The following EZH2 variants were observed in gnomAD, a reference collection of about 807,000 sequenced individuals.
EZH2 encodes histone-lysine N-methyltransferase EZH2.
Under a neutral mutation model 98.4 loss-of-function variants are expected in EZH2, and 18 were observed. The observed-to-expected ratio is 0.18, with a 90% CI of 0.13 to 0.27. The LOEUF is 0.27. Among genes scored for constraint, EZH2 ranks in the 10% least tolerant of loss-of-function variants. The pLI, the probability that EZH2 is intolerant of heterozygous loss-of-function variation, is 1.00. For missense variants in EZH2, 470 were observed against 935.1 expected, an observed-to-expected ratio of 0.50 and a Z score of 6.49; for synonymous variants, 338 against 312.3, an observed-to-expected ratio of 1.08 and a Z score of -0.87.
chr7:148,840,899 G>A (rs1812259953), intron 3 of EZH2, among the ~76,000 whole-genome samples: 1 of 152,050 alleles, frequency 6.6e-6, no homozygotes, highest in Admixed American at 6.5e-5. Flanking sequence ...GTTTGGATTT[G>A]TTGTTTTATT....
intron 3 of EZH2, among the ~76,000 whole-genome samples, chr7:148,837,421 T>C (rs891735312): frequency 2.0e-5 from 3 of 152,152 alleles, no homozygotes; most frequent in Non-Finnish European, 2.9e-5. Context: ...TCACCAAGTC[T>C]AGAGAAAAGC....
At chr7:148,815,741 T>C (rs1402420485) in intron 12 of EZH2, among the ~76,000 whole-genome samples, 195 bp from the exon 13 acceptor site, 1 of 152,204 alleles carries the variant, frequency 6.6e-6, no homozygotes, top group Non-Finnish European at 1.5e-5. Flanking sequence ...GCCCCAGGTG[T>C]GGCAAGACGT....
Position 148,818,018 on chromosome 7 carries a change from T to C in EZH2, c.1099A>G (p.Ser367Gly). 6.2e-7 allele frequency: 1 copy of C among 1,614,198 alleles called. No homozygotes were observed. The highest frequency in any genetic ancestry group is 1.1e-5 in the South Asian group (1 of 91,080). Residue 367 changes from serine to glycine, a missense_variant, in exon 10 of 20, where the codon AGT (serine) becomes GGT (glycine). This residue lies in a region of EZH2 where 192 missense variants were observed against 306.8 expected (regional missense o/e 0.63). Coordinates refer to ENST00000320356, the MANE Select transcript of EZH2 (RefSeq NM_004456.5). Reference sequence around the variant, plus strand: ...ATGGTGGGGGTGCTGGGCCTGCTACTGTTATTGGGAAGCCGTCCTCTTCTG... The same window carrying C: ...ATGGTGGGGGTGCTGGGCCTGCTACCGTTATTGGGAAGCCGTCCTCTTCTG... ...GRRRGRLPNN[S>G]SRPSTPTINV... is the part of the protein sequence containing the mutation.
chr7:148,813,652 C>G (rs567326508), intron 15 of EZH2, among the ~76,000 whole-genome samples: 20 of 151,432 alleles, frequency 1.3e-4, no homozygotes, highest in Admixed American at 2.6e-4. Flanking sequence ...AACTAAAAGA[C>G]AAATTCAAAT....
chr7:148,808,313 T>C (rs777383523), intron 19 of EZH2, among the ~76,000 whole-genome samples: 2 of 152,242 alleles, frequency 1.3e-5, no homozygotes, highest in African/African-American at 4.8e-5. Context: ...AGACCCTGTC[T>C]GCCTCACTGA....
rs565880832 is a variant in EZH2, at chr7:148,842,103, C to T, written c.246+4367G>A. Among the ~76,000 whole-genome samples, 4 of 152,254 alleles carry T rather than the reference C, an allele frequency of 2.6e-5. No homozygotes were observed. In the South Asian group the frequency reaches 8.3e-4, roughly 32 times the overall value. ...CATATTCTCTCTTTTCATTAGTAAACAAGATACAAAACTCTTACAAGAACA... is the reference window on the plus strand; with the variant it reads ...CATATTCTCTCTTTTCATTAGTAAATAAGATACAAAACTCTTACAAGAACA... On this transcript the variant is annotated intron_variant, in intron 3 of 19. Coordinates refer to ENST00000320356, the MANE Select transcript of EZH2 (RefSeq NM_004456.5).
At chr7:148,837,023 A>G (rs1276327539) in intron 3 of EZH2, 1 of 489,904 alleles carries the variant, frequency 2.0e-6, no homozygotes, top group Non-Finnish European at 4.1e-6. Context: ...GAAAGAAATT[A>G]ACACACCCTA....
chr7:148,810,975 C>T (rs1297134773), intron 16 of EZH2, among the ~76,000 whole-genome samples: 1 of 151,418 alleles, frequency 6.6e-6, no homozygotes, highest in African/African-American at 2.4e-5. Context: ...TTCGGTAACA[C>T]TGTCGACAAT....
intron 9 of EZH2, among the ~76,000 whole-genome samples, chr7:148,818,669 C>G (rs1428611517): frequency 6.7e-6 from 1 of 150,198 alleles, no homozygotes; most frequent in South Asian, 2.1e-4. Context: ...TTTTTTTTTT[C>G]CTGTGAAGGA....
chr7:148,880,414 T>C (rs1343664548), intron 1 of EZH2, among the ~76,000 whole-genome samples: 3 of 152,214 alleles, frequency 2.0e-5, no homozygotes, highest in African/African-American at 7.2e-5. Flanking sequence ...AAAGATCTAC[T>C]ACCCTCTCTC....
Position 148,828,874 on chromosome 7 carries a change from C to T in EZH2, c.491G>A (p.Gly164Glu). 2 of 1,607,882 alleles carry T rather than the reference C, an allele frequency of 1.2e-6. No homozygotes were observed. Among genetic ancestry groups the T allele is most frequent in the Non-Finnish European group, 1.7e-6 (2 of 1,176,826 alleles). ...CACAAAAATTTCATCATTTATAAAC[C>T]CACATTCTGAAACGCATCAAATGTC... ...DGKVHGDREC[G>E]FINDEIFVEL... Residue 164 changes from glycine to glutamate, a missense_variant, in exon 6 of 20, where the codon GGG becomes GAG. This residue lies in a region of EZH2 where 21 missense variants were observed against 84.2 expected (regional missense o/e 0.25). Transcript: ENST00000320356.
At chr7:148,832,919 T>G (rs1399953791) in intron 3 of EZH2, among the ~76,000 whole-genome samples, 169 bp from the exon 4 acceptor site, 1 of 152,214 alleles carries the variant, frequency 6.6e-6, no homozygotes, top group East Asian at 1.9e-4. Context: ...CTCTCTTTTC[T>G]TTTACTTAGG....
chr7:148,866,559 T>C (rs1019458108), intron 1 of EZH2, among the ~76,000 whole-genome samples: 2 of 142,860 alleles, frequency 1.4e-5, no homozygotes, highest in African/African-American at 2.7e-5. Flanking sequence ...TATATACATA[T>C]ATACATATAT....
At chr7:148,845,545 G>A (rs1190074346) in intron 3 of EZH2, among the ~76,000 whole-genome samples, 1 of 152,186 alleles carries the variant, frequency 6.6e-6, no homozygotes, top group East Asian at 1.9e-4. Flanking sequence ...GGATATCACT[G>A]ACAAGTCTTT....
At position 148,814,147 on chromosome 7, in the gene EZH2, G is replaced by A. The variant is rs1414727897; in HGVS notation, c.1673-10C>T. On this transcript the variant is annotated splice_polypyrimidine_tract_variant and intron_variant, in intron 14 of 19. Transcript: ENST00000320356. ...GGAAAGCGGTTTTGACCTTCAGAGA[G>A]AGGTTTGGAGGTTCTTCACTCATCA... 6 of 1,611,598 alleles carry A rather than the reference G, an allele frequency of 3.7e-6. No homozygotes were observed. The highest frequency in any genetic ancestry group is 1.7e-5 in the Admixed American group (1 of 59,798).
chr7:148,859,715 C>A (rs1817391790), intron 1 of EZH2, among the ~76,000 whole-genome samples: 2 of 152,176 alleles, frequency 1.3e-5, no homozygotes, highest in African/African-American at 4.8e-5. Flanking sequence ...AGTTCACCAA[C>A]AGCAAACCCA....
intron 1 of EZH2, among the ~76,000 whole-genome samples, chr7:148,865,346 A>G (rs1818293475): frequency 1.3e-5 from 2 of 152,308 alleles, no homozygotes; most frequent in South Asian, 4.1e-4. Context: ...ACTTACACAA[A>G]TCTAACATAC....
chr7:148,883,529 A>G (rs1271348783), intron 1 of EZH2: 1 of 150,362 alleles, frequency 6.7e-6, no homozygotes, highest in African/African-American at 2.4e-5. Context: ...CCGCGGCCCC[A>G]GCCCGGGGTC....
At position 148,807,523 on chromosome 7, in the gene EZH2, C is replaced by T; in HGVS notation, c.*123G>A. 2 of 766,794 alleles carry T rather than the reference C, an allele frequency of 2.6e-6. No individual in the cohort carries two copies. Among genetic ancestry groups the T allele is most frequent in the Non-Finnish European group, 4.4e-6 (2 of 456,694 alleles). The allele number at this position is 766,794 out of a possible 1,614,324, so 47.5% of individuals were successfully genotyped here. A position where few individuals can be genotyped will look rare whatever the true frequency, so the allele number is the denominator to read the frequency against. On this transcript the variant is annotated 3_prime_UTR_variant, in exon 20 of 20. Coordinates refer to ENST00000320356, the MANE Select transcript of EZH2 (RefSeq NM_004456.5). ...TTTAAACTCATTACTATAAATTATT[C>T]TTACAGTACTTTGCAAATTCAGAAT...
Sources: gnomAD v4.1 joint callset for allele counts (sites outside exome capture counted in the v4.1 genomes callset) on GRCh38, gnomAD v4.1.1 for gene constraint, gnomAD v4.1.1 regional missense constraint, MANE v1.5 for transcripts, NCBI Gene and HGNC (gene_info 2026-07-23, HGNC 2026-07-21) for gene names.